The following ALDH5A1 variants were observed in gnomAD, a reference collection of about 807,000 sequenced individuals.
The protein encoded by ALDH5A1 is aldehyde dehydrogenase 5 family member A1.
ALDH5A1 carries 33 observed loss-of-function variants against 54.7 expected under a neutral mutation model. That is an observed-to-expected ratio of 0.60 (90% CI 0.46 to 0.81). The LOEUF (loss-of-function observed/expected upper bound fraction) is 0.81. Ranked by LOEUF, ALDH5A1 falls within the 30% of genes least tolerant of loss-of-function variation. The probability of loss-of-function intolerance (pLI) is 0.00; values close to 1 mark genes in which losing one functional copy is unlikely to be tolerated. For missense variants in ALDH5A1, 657 were observed against 711.0 expected (o/e 0.92, Z 0.86); for synonymous variants, 294 against 292.7 (o/e 1.00, Z -0.05).
chr6:24,504,085 CCT>C (rs1348190444), intron 3 of ALDH5A1, among the ~76,000 whole-genome samples: 6 of 152,146 alleles, frequency 3.9e-5, no homozygotes, highest in African/African-American at 1.4e-4. Flanking sequence ...ACAGAATCCC[CCT>C]GATTGCCTAG....
chr6:24,528,962 C>T (rs1759874782), intron 8 of ALDH5A1, among the ~76,000 whole-genome samples: 1 of 151,850 alleles, frequency 6.6e-6, no homozygotes, highest in Admixed American at 6.6e-5. Context: ...CAGGCATGAA[C>T]CACCGTGCTC....
chr6:24,505,582 C>G (rs530550691), intron 4 of ALDH5A1, among the ~76,000 whole-genome samples: 2 of 152,268 alleles, frequency 1.3e-5, no homozygotes, highest in Admixed American at 1.3e-4. Context: ...CTGTCTGGAG[C>G]AGTCTCCCCC....
Position 24,528,035 on chromosome 6 carries a change from C to T in ALDH5A1, c.1212C>T (p.Ala404=). ...TGAATGATGCCGTTTCTAAAGGTGC[C>T]ACCGTTGTGACAGGTGGAAAACGAC... ...KQVNDAVSKG[A]TVVTGGKRHQ... is the part of the protein sequence containing the mutation. Residue 404 remains alanine (A), a synonymous_variant, in exon 8 of 10, where the codon GCC becomes GCT. Coordinates refer to ENST00000357578, the MANE Select transcript of ALDH5A1 (RefSeq NM_001080.3). The T allele has an allele frequency of 6.2e-7, 1 of 1,614,068 alleles. No homozygotes were observed. The highest frequency in any genetic ancestry group is 8.5e-7 in the Non-Finnish European group (1 of 1,179,982).
intron 8 of ALDH5A1, 150 bp from the exon 9 acceptor site, chr6:24,531,969 G>A: frequency 2.7e-6 from 2 of 733,452 alleles, no homozygotes; most frequent in Middle Eastern, 3.5e-4. Context: ...GGGGAATGGT[G>A]CTGCTTTCTT....
At chr6:24,520,633 A>AGTGT (rs112834539) in intron 6 of ALDH5A1, 89 bp downstream of exon 6, 66 of 1,494,508 alleles carry the variant, frequency 4.4e-5, no homozygotes, top group South Asian at 4.3e-4. Context: ...TGTGCATGTG[A>AGTGT]GTGTGTGTGT....
intron 1 of ALDH5A1, among the ~76,000 whole-genome samples, chr6:24,500,350 G>C (rs891865507): frequency 3.3e-5 from 5 of 152,118 alleles, no homozygotes; most frequent in Admixed American, 6.5e-5. Flanking sequence ...GACAAATCCA[G>C]GTTGCCAGTG....
At chr6:24,533,480 CA>C (rs751896478) in intron 9 of ALDH5A1, 26 bp from the exon 10 acceptor site, 27 of 1,609,904 alleles carry the variant, frequency 1.7e-5, no homozygotes, top group Admixed American at 1.5e-4. Flanking sequence ...TTCTAAATGC[CA>C]TATATGTCCT....
Position 24,533,867 on chromosome 6 carries a change from C to T in ALDH5A1, c.*155C>T. ...TAATCTTAAACAGATGCAAATCCTA[C>T]CCCTGCCCTTAATGTAACTAGGGAC... On this transcript the variant is annotated 3_prime_UTR_variant, in exon 10 of 10. Coordinates refer to ENST00000357578, the MANE Select transcript of ALDH5A1 (RefSeq NM_001080.3). 1 of 739,954 alleles carries T rather than the reference C, an allele frequency of 1.4e-6. No individual in the cohort carries two copies. Among genetic ancestry groups the T allele is most frequent in the Non-Finnish European group, 2.2e-6 (1 of 458,872 alleles). The allele number at this position is 739,954 out of a possible 1,614,324, so 45.8% of individuals were successfully genotyped here. A position where few individuals can be genotyped will look rare whatever the true frequency, so the allele number is the denominator to read the frequency against.
Position 24,528,072 on chromosome 6 carries a change from A to G in ALDH5A1, c.1249A>G (p.Lys417Glu). The G allele has an allele frequency of 6.2e-7, 1 of 1,614,226 alleles. No individual in the cohort carries two copies. Among genetic ancestry groups the G allele is most frequent in the Non-Finnish European group, 8.5e-7 (1 of 1,180,024 alleles). Residue 417 changes from lysine (K) to glutamate (E), a missense_variant, in exon 8 of 10, where the codon AAA becomes GAA. By Grantham distance (56) the Lys-to-Glu change is moderately conservative (BLOSUM62 1). This residue lies in a region of ALDH5A1 where 425 missense variants were observed against 516.4 expected (regional missense o/e 0.82). Coordinates refer to ENST00000357578, the MANE Select transcript of ALDH5A1 (RefSeq NM_001080.3). ...VTGGKRHQLG[K>E]NFFEPTLLCN... is the part of the protein sequence containing the mutation. ...AGGTGGAAAACGACACCAACTTGGAAAAAATTTCTTTGAGCCTACCCTGCT... is the reference window on the plus strand; with the variant it reads ...AGGTGGAAAACGACACCAACTTGGAGAAAATTTCTTTGAGCCTACCCTGCT...
intron 1 of ALDH5A1, among the ~76,000 whole-genome samples, chr6:24,499,399 G>A (rs113726067): frequency 4.6e-5 from 7 of 152,194 alleles, no homozygotes; most frequent in African/African-American, 4.8e-5. Flanking sequence ...AGCCCAGGTG[G>A]CCTAGATTCT....
At chr6:24,502,677 C>T (rs1467460310) in intron 2 of ALDH5A1, 71 bp downstream of exon 2, 21 of 1,150,250 alleles carry the variant, frequency 1.8e-5, no homozygotes, top group South Asian at 2.6e-5. Context: ...TTGGGAAAGC[C>T]GCTGACTTCC....
At chr6:24,517,066 G>A (rs1269661753) in intron 5 of ALDH5A1, among the ~76,000 whole-genome samples, 1 of 152,150 alleles carries the variant, frequency 6.6e-6, no homozygotes, top group Non-Finnish European at 1.5e-5. Flanking sequence ...GAGTGCAGTG[G>A]CGTGATCTTG....
chr6:24,504,749 A>G (rs1759304550), intron 3 of ALDH5A1, 120 bp from the exon 4 acceptor site: 2 of 1,019,926 alleles, frequency 2.0e-6, no homozygotes, highest in Non-Finnish European at 1.6e-6. Flanking sequence ...CTGTGCAGCC[A>G]AACGGGTTTG....
intron 4 of ALDH5A1, among the ~76,000 whole-genome samples, chr6:24,506,675 A>T (rs1362265262): frequency 6.6e-6 from 1 of 152,144 alleles, no homozygotes; most frequent in Non-Finnish European, 1.5e-5. Flanking sequence ...AATATCACCA[A>T]TGTGCCTATT....
At chr6:24,513,343 G>A (rs1759498271) in intron 4 of ALDH5A1, among the ~76,000 whole-genome samples, 1 of 152,132 alleles carries the variant, frequency 6.6e-6, no homozygotes, top group African/African-American at 2.4e-5. Context: ...GGGGTTACAA[G>A]CATGAGCCAC....
At chr6:24,522,065 C>G (rs997236824) in intron 6 of ALDH5A1, among the ~76,000 whole-genome samples, 2 of 151,938 alleles carry the variant, frequency 1.3e-5, no homozygotes, top group African/African-American at 2.4e-5. Flanking sequence ...AGGCTAGTCT[C>G]GAACTCCTGA....
In ALDH5A1 at chr6:24,504,876, TC is replaced by T. The variant is rs1306678453; in HGVS notation, c.621del (p.Ser208ValfsTer3). ...CTGCTCTTCTAACCCCAGTGGAATT[TC>T]CCCAGTGCCATGATCACCCGGAAGG... ...GVAAVITPWN[F>X]PSAMITRKVG... On this transcript the variant is annotated frameshift_variant, in exon 4 of 10. Coordinates refer to ENST00000357578, the MANE Select transcript of ALDH5A1 (RefSeq NM_001080.3). LOFTEE classifies it high-confidence loss of function. 1.1e-5 allele frequency: 17 copies of T among 1,614,040 alleles called. No homozygotes were observed. The highest frequency in any genetic ancestry group is 3.3e-5 in the Admixed American group (2 of 60,000).
At position 24,537,171 on chromosome 6, in the gene ALDH5A1, A is replaced by T. The variant is rs1490210471; in HGVS notation, c.*3459A>T. ...CTAGTCTGCAGAGAGCTGTGTGATTAATAAACGTGGAATTAACAGAATTTC... is the reference window on the plus strand; with the variant it reads ...CTAGTCTGCAGAGAGCTGTGTGATTTATAAACGTGGAATTAACAGAATTTC... On this transcript the variant is annotated 3_prime_UTR_variant, in exon 10 of 10. Coordinates refer to ENST00000357578, the MANE Select transcript of ALDH5A1 (RefSeq NM_001080.3). The T allele has an allele frequency of 6.6e-6, 1 of 152,526 alleles. No individual in the cohort carries two copies. Among genetic ancestry groups the T allele is most frequent in the African/African-American group, 2.4e-5 (1 of 41,442 alleles). The allele number at this position is 152,526 out of a possible 1,614,324, so 9.4% of individuals were successfully genotyped here.
At chr6:24,528,266 G>A in intron 8 of ALDH5A1, 100 bp downstream of exon 8, 1 of 1,411,668 alleles carries the variant, frequency 7.1e-7, no homozygotes, top group Non-Finnish European at 9.9e-7. Flanking sequence ...CTGGCCAGGA[G>A]GCAGACAGTT....
Sources: gnomAD v4.1 joint callset for allele counts (sites outside exome capture counted in the v4.1 genomes callset) on GRCh38, gnomAD v4.1.1 for gene constraint, gnomAD v4.1.1 regional missense constraint, MANE v1.5 for transcripts, NCBI Gene and HGNC (gene_info 2026-07-23, HGNC 2026-07-21) for gene names.